The following HEPHL1 variants were observed in gnomAD, a reference collection of about 807,000 sequenced individuals.
HEPHL1 encodes hephaestin like 1, also known as ferroxidase HEPHL1.
Under a neutral mutation model 122.0 loss-of-function variants are expected in HEPHL1, and 123 were observed. That is an observed-to-expected ratio of 1.01 (90% CI 0.87 to 1.17). The LOEUF is 1.17. Ranked by LOEUF, HEPHL1 falls within the 50% of genes most tolerant of loss-of-function variation. The pLI is 0.00. For synonymous variants in HEPHL1, 527 were observed against 508.9 expected (o/e 1.04, Z -0.48); for missense variants, 1,452 against 1,430.5 (o/e 1.01, Z -0.24).
chr11:94,094,550 T>C (rs1946294144), intron 13 of HEPHL1, among the ~76,000 whole-genome samples: 2 of 152,226 alleles, frequency 1.3e-5, no homozygotes, highest in Non-Finnish European at 1.5e-5. Flanking sequence ...TATTTCTAGT[T>C]CTAGATCCTT....
intron 1 of HEPHL1, among the ~76,000 whole-genome samples, chr11:94,034,349 C>A (rs1945702644): frequency 6.6e-6 from 1 of 152,140 alleles, no homozygotes; most frequent in Non-Finnish European, 1.5e-5. Flanking sequence ...GCAGGGTGGG[C>A]AAAGCCACCA....
intron 8 of HEPHL1, 130 bp from the exon 9 acceptor site, chr11:94,075,044 A>C: frequency 1.4e-6 from 1 of 704,280 alleles, no homozygotes; most frequent in Non-Finnish European, 2.4e-6. Flanking sequence ...AGGATACATA[A>C]GAGAAAACCA....
chr11:94,062,817 G>T (rs2134426572), intron 2 of HEPHL1, among the ~76,000 whole-genome samples: 3 of 152,206 alleles, frequency 2.0e-5, no homozygotes, highest in Middle Eastern at 6.8e-3. Flanking sequence ...GAAAAATCAT[G>T]TGCCATCTTG....
rs1214031548 is a variant in HEPHL1, at chr11:94,112,739, C to G, written c.*845C>G. On this transcript the variant is annotated 3_prime_UTR_variant, in exon 20 of 20. Coordinates refer to ENST00000315765, the MANE Select transcript of HEPHL1 (RefSeq NM_001098672.2). ...TCTCCCTTTATGAATCAGGGACTCC[C>G]TGAGAGTTTAGAGCAAGCTTTCTAT... 3 of 152,196 alleles carry G rather than the reference C, an allele frequency of 2.0e-5. No individual in the cohort carries two copies. The highest frequency in any genetic ancestry group is 4.4e-5 in the Non-Finnish European group (3 of 68,024). The allele number at this position is 152,196 out of a possible 1,614,324, so 9.4% of individuals were successfully genotyped here. A position where few individuals can be genotyped will look rare whatever the true frequency, so the allele number is the denominator to read the frequency against.
At chr11:94,060,285 GAT>G (rs112396301) in intron 2 of HEPHL1, among the ~76,000 whole-genome samples, 4 of 150,836 alleles carry the variant, frequency 2.7e-5, no homozygotes, top group East Asian at 1.9e-4. Context: ...ATGCACACAT[GAT>G]ATATATATGT....
At chr11:94,053,931 T>C (rs1015080544) in intron 2 of HEPHL1, among the ~76,000 whole-genome samples, 4 of 152,230 alleles carry the variant, frequency 2.6e-5, no homozygotes, top group African/African-American at 9.6e-5. Context: ...TCTACAGTTA[T>C]TGGGTGCAAT....
chr11:94,111,276 AT>A (rs1400029871), intron 18 of HEPHL1, among the ~76,000 whole-genome samples: 4 of 152,194 alleles, frequency 2.6e-5, no homozygotes, highest in African/African-American at 7.2e-5. Context: ...GTAGGAGTGA[AT>A]GGGTAACAGT....
At chr11:94,050,765 C>T (rs375731648) in intron 2 of HEPHL1, among the ~76,000 whole-genome samples, 2 of 152,060 alleles carry the variant, frequency 1.3e-5, no homozygotes, top group African/African-American at 4.8e-5. Context: ...CTTATTAATT[C>T]TTTCTAACTA....
At chr11:94,030,252 C>G (rs1011350409) in intron 1 of HEPHL1, among the ~76,000 whole-genome samples, 1 of 152,230 alleles carries the variant, frequency 6.6e-6, no homozygotes, top group Non-Finnish European at 1.5e-5. Context: ...CTGGGCAACT[C>G]TGAGGCTTAT....
intron 9 of HEPHL1, among the ~76,000 whole-genome samples, chr11:94,081,764 G>A (rs1183146933): frequency 1.3e-5 from 2 of 152,078 alleles, no homozygotes; most frequent in African/African-American, 4.8e-5. Context: ...AACTCACATT[G>A]CAGTAGGAAA....
chr11:94,098,612 C>T (rs1451159501), intron 13 of HEPHL1, among the ~76,000 whole-genome samples: 2 of 152,194 alleles, frequency 1.3e-5, no homozygotes, highest in African/African-American at 4.8e-5. Flanking sequence ...GAGTGTTTTC[C>T]AACTTGATTC....
chr11:94,097,779 C>T (rs911565865), intron 13 of HEPHL1, among the ~76,000 whole-genome samples: 20 of 152,298 alleles, frequency 1.3e-4, no homozygotes, highest in African/African-American at 3.8e-4. Context: ...TAATGGCCTT[C>T]TTTGTCTCTT....
rs1946017231 is a variant in HEPHL1, at chr11:94,064,456, C to T, written c.754C>T (p.Pro252Ser). 6.2e-7 allele frequency: 1 copy of T among 1,612,904 alleles called. No homozygotes were observed. The highest frequency in any genetic ancestry group is 1.3e-5 in the African/African-American group (1 of 74,874). Residue 252 changes from proline to serine, a missense_variant, in exon 4 of 20, where the codon CCT becomes TCT. By Grantham distance (74) the Pro-to-Ser change is moderately conservative. Coordinates refer to ENST00000315765, the MANE Select transcript of HEPHL1 (RefSeq NM_001098672.2). ...NENIKHFCTN[P>S]DSVDKKDAVF... ...AAATATCAAACATTTCTGCACCAACCCTGATTCAGTTGACAAGAAAGATGC... is the reference window on the plus strand; with the variant it reads ...AAATATCAAACATTTCTGCACCAACTCTGATTCAGTTGACAAGAAAGATGC...
rs184679901 is a variant in HEPHL1 at position 94,080,342 on chromosome 11, C to A, written c.1717-2076C>A. Among the ~76,000 whole-genome samples the A allele has an allele frequency of 3.3e-3, 509 of 152,294 alleles. 1 individual carries two copies. The highest frequency in any genetic ancestry group is 0.012 in the African/African-American group (488 of 41,562). On this transcript the variant is annotated intron_variant, in intron 9 of 19. Transcript: ENST00000315765. Reference sequence around the variant, plus strand: ...TGTGTAAAACCCAAAACTATAAAAACCCTAGAAGAAAATCTAGGCAATACC... The same window carrying A: ...TGTGTAAAACCCAAAACTATAAAAAACCTAGAAGAAAATCTAGGCAATACC...
At chr11:94,030,379 C>T (rs774980273) in intron 1 of HEPHL1, among the ~76,000 whole-genome samples, 2 of 152,188 alleles carry the variant, frequency 1.3e-5, no homozygotes, top group Non-Finnish European at 2.9e-5. Flanking sequence ...TCCTGAAAAA[C>T]AGAAGTGGTT....
At chr11:94,106,803 C>A (rs976666467) in intron 17 of HEPHL1, among the ~76,000 whole-genome samples, 1 of 152,102 alleles carries the variant, frequency 6.6e-6, no homozygotes, top group Admixed American at 6.5e-5. Context: ...TCTCCCCACC[C>A]TTTTCTTTTT....
intron 1 of HEPHL1, among the ~76,000 whole-genome samples, chr11:94,042,982 C>T (rs1945800276): frequency 6.6e-6 from 1 of 150,758 alleles, no homozygotes; most frequent in East Asian, 2.0e-4. Context: ...GGATAGGTTT[C>T]CTTTGGAAAG....
At chr11:94,036,120 A>G (rs1198738385) in intron 1 of HEPHL1, among the ~76,000 whole-genome samples, 1 of 152,222 alleles carries the variant, frequency 6.6e-6, no homozygotes, top group Non-Finnish European at 1.5e-5. Flanking sequence ...GAAGCCCTTA[A>G]GGGCGTATTT....
intron 9 of HEPHL1, among the ~76,000 whole-genome samples, chr11:94,078,305 CA>C (rs1946142277): frequency 6.6e-6 from 1 of 151,920 alleles, no homozygotes; most frequent in African/African-American, 2.4e-5. Context: ...ATCCACATTT[CA>C]ATACTCAGAG....
Sources: gnomAD v4.1 joint callset for allele counts (sites outside exome capture counted in the v4.1 genomes callset) on GRCh38, gnomAD v4.1.1 for gene constraint, MANE v1.5 for transcripts, NCBI Gene and HGNC (gene_info 2026-07-23, HGNC 2026-07-21) for gene names.